Variants in PLCB1 observed in about 807,000 individuals in gnomAD.
PLCB1 encodes the protein 1-phosphatidylinositol 4,5-bisphosphate phosphodiesterase beta-1.
A neutral mutation model predicts 161.8 loss-of-function variants in PLCB1; 46 were observed. The observed-to-expected ratio is 0.28, with a 90% confidence interval of 0.22 to 0.36. PLCB1 has a LOEUF of 0.36. Among genes scored for constraint, PLCB1 ranks in the 10% least tolerant of loss-of-function variants. The probability of loss-of-function intolerance (pLI) is 1.00; values close to 1 mark genes in which losing one functional copy is unlikely to be tolerated. For synonymous variants in PLCB1, 517 were observed against 503.7 expected, an observed-to-expected ratio of 1.03 and a Z score of -0.35; for missense variants, 1,016 against 1,472.5, an observed-to-expected ratio of 0.69 and a Z score of 5.07.
chr20:8,827,775 A>G (rs1985778830), intron 31 of PLCB1, among the ~76,000 whole-genome samples: 1 of 152,224 alleles, frequency 6.6e-6, no homozygotes, highest in South Asian at 2.1e-4. Context: ...AACGGATTGA[A>G]AAATAATCAA....
chr20:8,217,560 A>G (rs2123156749), intron 2 of PLCB1, among the ~76,000 whole-genome samples: 1 of 152,270 alleles, frequency 6.6e-6, no homozygotes, highest in South Asian at 2.1e-4. Flanking sequence ...TGTGATATCA[A>G]TGACCTTGGA....
chr20:8,490,810 G>A (rs1300519099), intron 3 of PLCB1, among the ~76,000 whole-genome samples: 3 of 150,418 alleles, frequency 2.0e-5, no homozygotes, highest in Non-Finnish European at 4.4e-5. Flanking sequence ...TAGGAGAATA[G>A]TTTCTTTTCT....
chr20:8,777,926 A>G (rs977359092), intron 27 of PLCB1, among the ~76,000 whole-genome samples: 1 of 152,082 alleles, frequency 6.6e-6, no homozygotes, highest in African/African-American at 2.4e-5. Flanking sequence ...GTGCAGGGAC[A>G]TTTCTCTTTT....
intron 31 of PLCB1, among the ~76,000 whole-genome samples, chr20:8,828,802 C>G (rs6039293): frequency 0.29 from 43,948 of 151,998 alleles, 6,521 homozygotes; most frequent in Middle Eastern, 0.4. Context: ...ATAAGTAGTT[C>G]TTTAGGAAGA....
chr20:8,583,656 C>A (rs1986901525), intron 3 of PLCB1, among the ~76,000 whole-genome samples: 1 of 152,160 alleles, frequency 6.6e-6, no homozygotes, highest in Admixed American at 6.6e-5. Context: ...GTAATTCTCC[C>A]CCATTTCCTG....
chr20:8,435,672 C>T (rs1980266961), intron 3 of PLCB1, among the ~76,000 whole-genome samples: 1 of 152,138 alleles, frequency 6.6e-6, no homozygotes, highest in African/African-American at 2.4e-5. Context: ...CCTGAATGAG[C>T]TTGGAAGTGG....
intron 31 of PLCB1, among the ~76,000 whole-genome samples, chr20:8,863,474 G>C (rs1371855299): frequency 6.6e-6 from 1 of 152,156 alleles, no homozygotes; most frequent in Admixed American, 6.5e-5. Context: ...GAATCAGGTA[G>C]GAGACAATAA....
At chr20:8,353,071 C>G (rs1986234016) in intron 2 of PLCB1, among the ~76,000 whole-genome samples, 1 of 152,002 alleles carries the variant, frequency 6.6e-6, no homozygotes, top group Non-Finnish European at 1.5e-5. Flanking sequence ...TAGTGCCGTT[C>G]TTCAATAAAA....
rs78243176 is a variant in PLCB1 at position 8,581,681 on chromosome 20, G to A, written c.247-46613G>A. Among the ~76,000 whole-genome samples the A allele has an allele frequency of 3.7e-3, 564 of 152,222 alleles. 1 individual carries two copies. Among genetic ancestry groups the A allele is most frequent in the Non-Finnish European group, 7.3e-3 (495 of 68,000 alleles). On this transcript the variant is annotated intron_variant, in intron 3 of 31. Transcript: ENST00000338037. ...GAGGAGTTTCTTGGGATGCATGAAG[G>A]ACTGTCAATGCCAATACCAAGAGAG...
chr20:8,552,494 C>T (rs764280591), intron 3 of PLCB1, among the ~76,000 whole-genome samples: 1 of 152,122 alleles, frequency 6.6e-6, no homozygotes, highest in Non-Finnish European at 1.5e-5. Flanking sequence ...TGGGAAACTG[C>T]GAGCATTTCC....
chr20:8,727,500 T>C, intron 17 of PLCB1, 107 bp downstream of exon 17: 3 of 669,260 alleles, frequency 4.5e-6, no homozygotes, highest in South Asian at 1.9e-5. Context: ...ATGGCTTAAG[T>C]ATATAGCCTG....
At chr20:8,784,698 A>G (rs536613699) in intron 27 of PLCB1, among the ~76,000 whole-genome samples, 1 of 152,188 alleles carries the variant, frequency 6.6e-6, no homozygotes, top group South Asian at 2.1e-4. Context: ...GAAAACATAT[A>G]CTCCTTGGGA....
At chr20:8,560,800 T>C (rs2123021963) in intron 3 of PLCB1, among the ~76,000 whole-genome samples, 1 of 152,176 alleles carries the variant, frequency 6.6e-6, no homozygotes, top group Non-Finnish European at 1.5e-5. Context: ...TGTGTATTTT[T>C]ATATGGATCA....
In PLCB1 at chr20:8,642,921, C is replaced by T. The variant is rs570462576; in HGVS notation, c.385-3181C>T. Among the ~76,000 whole-genome samples, 60 of 152,296 alleles carry T rather than the reference C, an allele frequency of 3.9e-4. No individual in the cohort carries two copies. In the South Asian group the frequency reaches 0.012, roughly 31 times the overall value. ...TGTCTAAAGCTTGGCCATGAGCCTA[C>T]AAAATATTATACCAGAAACATATTT... On this transcript the variant is annotated intron_variant, in intron 4 of 31. Coordinates refer to ENST00000338037, the MANE Select transcript of PLCB1 (RefSeq NM_015192.4).
chr20:8,841,758 CA>C (rs1986512891), intron 31 of PLCB1, among the ~76,000 whole-genome samples: 1 of 152,200 alleles, frequency 6.6e-6, no homozygotes, highest in Non-Finnish European at 1.5e-5. Context: ...GTATTTGTGT[CA>C]GGGAGCTGTC....
chr20:8,433,284 T>G (rs144753839), intron 3 of PLCB1, among the ~76,000 whole-genome samples: 63 of 152,326 alleles, frequency 4.1e-4, no homozygotes, highest in African/African-American at 1.5e-3. Context: ...CTATTAACTG[T>G]AAAGTATAAT....
intron 26 of PLCB1, among the ~76,000 whole-genome samples, chr20:8,767,865 A>T (rs986748427): frequency 6.6e-6 from 1 of 152,152 alleles, no homozygotes; most frequent in Admixed American, 6.5e-5. Context: ...GTATTTTCTC[A>T]CAGTTTTGGA....
At chr20:8,543,694 T>C (rs1042838425) in intron 3 of PLCB1, among the ~76,000 whole-genome samples, 2 of 151,476 alleles carry the variant, frequency 1.3e-5, no homozygotes, top group Non-Finnish European at 2.9e-5. Flanking sequence ...TCTTGAATTG[T>C]AGCTCCCGTA....
intron 9 of PLCB1, among the ~76,000 whole-genome samples, chr20:8,675,137 T>C (rs752626501): frequency 1.7e-4 from 26 of 151,696 alleles, no homozygotes; most frequent in African/African-American, 6.0e-4. Context: ...ATGACGGGAG[T>C]TGGACAAGTC....
Sources: gnomAD v4.1 joint callset for allele counts (sites outside exome capture counted in the v4.1 genomes callset) on GRCh38, gnomAD v4.1.1 for gene constraint, MANE v1.5 for transcripts, NCBI Gene and HGNC (gene_info 2026-07-23, HGNC 2026-07-21) for gene names.